The following SHC4 variants were observed in gnomAD, a reference collection of about 807,000 sequenced individuals.
SHC4 encodes SHC adaptor protein 4.
Under a neutral mutation model 69.4 loss-of-function variants are expected in SHC4, and 41 were observed. That is an observed-to-expected ratio of 0.59 (90% CI 0.46 to 0.77). The LOEUF is 0.77. SHC4 is among the 30% of genes least tolerant of loss of function. The probability of loss-of-function intolerance (pLI) is 0.00; values close to 1 mark genes in which losing one functional copy is unlikely to be tolerated. For missense variants in SHC4, 777 were observed against 783.8 expected (o/e 0.99, Z 0.10); for synonymous variants, 318 against 299.3 (o/e 1.06, Z -0.64).
chr15:48,857,596 C>A, intron 7 of SHC4, 96 bp downstream of exon 7: 4 of 1,122,698 alleles, frequency 3.6e-6, no homozygotes, highest in Admixed American at 3.0e-5. Flanking sequence ...TTTAAAATGC[C>A]ACATTAATGT....
chr15:48,925,717 C>A (rs8027794), intron 1 of SHC4, among the ~76,000 whole-genome samples: 1,792 of 152,084 alleles, frequency 0.012, 33 homozygotes, highest in African/African-American at 0.042. Flanking sequence ...CCATGGCAGG[C>A]GTGATGCGAT....
intron 1 of SHC4, among the ~76,000 whole-genome samples, chr15:48,933,460 G>A (rs1269693642): frequency 6.6e-6 from 1 of 152,116 alleles, no homozygotes; most frequent in Non-Finnish European, 1.5e-5. Flanking sequence ...CCATGTTCAT[G>A]GATCAGAAAA....
intron 6 of SHC4, among the ~76,000 whole-genome samples, chr15:48,859,672 G>T (rs985540331): frequency 2.4e-4 from 36 of 152,170 alleles, no homozygotes; most frequent in African/African-American, 8.7e-4. Flanking sequence ...TAGTGCTACT[G>T]TATGAAATTG....
chr15:48,956,974 CT>C (rs773067812), intron 1 of SHC4, among the ~76,000 whole-genome samples: 26 of 19,568 alleles, frequency 1.3e-3, no homozygotes, highest in Middle Eastern at 0.028. Context: ...TTCTTTCTTT[CT>C]TTTTTTTTTT....
At position 48,824,900 on chromosome 15, in the gene SHC4, A is replaced by G. The variant is rs1033036856; in HGVS notation, c.*1071T>C. 3 of 146,816 alleles carry G rather than the reference A, an allele frequency of 2.0e-5. No homozygotes were observed. Among genetic ancestry groups the G allele is most frequent in the African/African-American group, 7.6e-5 (3 of 39,596 alleles). The allele number at this position is 146,816 out of a possible 1,614,324, so 9.1% of individuals were successfully genotyped here. On this transcript the variant is annotated 3_prime_UTR_variant, in exon 12 of 12. Coordinates refer to ENST00000332408, the MANE Select transcript of SHC4 (RefSeq NM_203349.4). Reference sequence around the variant, plus strand: ...GTTTACCAGTTGGTCTACATGTGGAAAATCTTTCCAAGTGCTTCATTCAAT... The same window carrying G: ...GTTTACCAGTTGGTCTACATGTGGAGAATCTTTCCAAGTGCTTCATTCAAT...
Position 48,962,503 on chromosome 15 carries a change from T to C in SHC4, c.513A>G (p.Pro171=). The C allele has an allele frequency of 6.4e-7, 1 of 1,568,670 alleles. No homozygotes were observed. The highest frequency in any genetic ancestry group is 8.6e-7 in the Non-Finnish European group (1 of 1,158,518). The change falls in exon 1 of 12, where the codon CCA becomes CCG. Residue 171 remains proline (P), a synonymous_variant. Transcript: ENST00000332408. ...DSCPLPGPGE[P]TLRSRQDRHF... is the part of the protein sequence containing the mutation. ...GCCTGTCCTGCCTGCTCCTAAGTGT[T>C]GGCTCCCCAGGGCCAGGAAGCGGGC...
At chr15:48,885,118 A>T (rs1900010089) in intron 3 of SHC4, among the ~76,000 whole-genome samples, 1 of 152,124 alleles carries the variant, frequency 6.6e-6, no homozygotes, top group South Asian at 2.1e-4. Context: ...TCTCAAGGAG[A>T]AGAAGTGTGG....
intron 1 of SHC4, among the ~76,000 whole-genome samples, chr15:48,957,301 A>G (rs1901472669): frequency 6.6e-6 from 1 of 152,072 alleles, no homozygotes; most frequent in African/African-American, 2.4e-5. Flanking sequence ...AATATGAGAA[A>G]ATGAGGCCCA....
At chr15:48,838,271 T>C (rs1047020029) in intron 10 of SHC4, among the ~76,000 whole-genome samples, 5 of 152,156 alleles carry the variant, frequency 3.3e-5, no homozygotes, top group Non-Finnish European at 7.4e-5. Flanking sequence ...AATGTGCACA[T>C]TGGGTGATTG....
chr15:48,941,550 C>T (rs756358291), intron 1 of SHC4, among the ~76,000 whole-genome samples: 4 of 151,960 alleles, frequency 2.6e-5, no homozygotes, highest in Non-Finnish European at 4.4e-5. Context: ...TTGACAGTAA[C>T]AGGAGAAAAG....
intron 2 of SHC4, among the ~76,000 whole-genome samples, chr15:48,897,554 T>A (rs1461568294): frequency 2.2e-5 from 3 of 133,788 alleles, no homozygotes; most frequent in East Asian, 2.4e-4. Flanking sequence ...TTTTTTTTTT[T>A]AAGTTTGGAA....
At chr15:48,828,086 T>C (rs556438448) in intron 11 of SHC4, among the ~76,000 whole-genome samples, 5 of 122,886 alleles carry the variant, frequency 4.1e-5, no homozygotes, top group African/African-American at 1.4e-4. Context: ...CTGTTACATA[T>C]GTATGTATGT....
chr15:48,905,997 G>A (rs974128188), intron 2 of SHC4, among the ~76,000 whole-genome samples: 3 of 152,172 alleles, frequency 2.0e-5, no homozygotes, highest in African/African-American at 7.2e-5. Flanking sequence ...ATAATTGGGA[G>A]TTTCATTCCT....
At chr15:48,861,594 A>C (rs1448809090) in intron 6 of SHC4, among the ~76,000 whole-genome samples, 1 of 152,210 alleles carries the variant, frequency 6.6e-6, no homozygotes, top group Non-Finnish European at 1.5e-5. Context: ...AAGAAGAAAG[A>C]CAAGTAACTA....
chr15:48,830,268 T>C (rs1408244248), intron 11 of SHC4, among the ~76,000 whole-genome samples: 1 of 152,220 alleles, frequency 6.6e-6, no homozygotes, highest in African/African-American at 2.4e-5. Context: ...ACAATCTCTT[T>C]TAAACTGATA....
rs758708212 is a variant in SHC4 at position 48,856,129 on chromosome 15, G to C, written c.1071-5C>G. The C allele has an allele frequency of 2.5e-6, 4 of 1,604,438 alleles. No homozygotes were observed. In the African/African-American group the frequency reaches 5.4e-5, roughly 22 times the overall value. On this transcript the variant is annotated splice_region_variant and splice_polypyrimidine_tract_variant and intron_variant, in intron 7 of 11. Transcript: ENST00000332408. The stretch of plus-strand genomic sequence containing the variant: ...CTATCAATATGCACCTCCTCACTGT[G>C]AAGGAAAAAAGAATCCTCAAGAGGC...
intron 5 of SHC4, among the ~76,000 whole-genome samples, chr15:48,869,734 G>A (rs1357761413): frequency 6.6e-6 from 1 of 152,132 alleles, no homozygotes; most frequent in Non-Finnish European, 1.5e-5. Flanking sequence ...GATTTCTAAT[G>A]CCAATGCTTA....
intron 8 of SHC4, among the ~76,000 whole-genome samples, chr15:48,852,107 C>T (rs1899225067): frequency 1.3e-5 from 2 of 152,130 alleles, no homozygotes; most frequent in South Asian, 2.1e-4. Context: ...ATGCTGAGTT[C>T]AACCTTGATA....
At chr15:48,917,359 T>A (rs972702657) in intron 2 of SHC4, among the ~76,000 whole-genome samples, 1 of 152,014 alleles carries the variant, frequency 6.6e-6, no homozygotes, top group Non-Finnish European at 1.5e-5. Flanking sequence ...ACTGTGTTTT[T>A]AAAAACATAA....
Sources: allele counts gnomAD v4.1 joint callset (sites outside exome capture counted in the v4.1 genomes callset), GRCh38; gene constraint gnomAD v4.1.1; transcripts MANE v1.5; gene names NCBI Gene and HGNC (gene_info 2026-07-23, HGNC 2026-07-21).